TTPA: variants seen among roughly 807,000 people sequenced by gnomAD.
TTPA encodes the protein alpha-tocopherol transfer protein.
In TTPA, 23 loss-of-function variants were observed where a neutral mutation model predicts 25.9. The observed-to-expected ratio is 0.89, with a 90% CI of 0.64 to 1.26. The LOEUF (loss-of-function observed/expected upper bound fraction) is 1.26. Ranked by LOEUF, TTPA falls within the 50% of genes most tolerant of loss-of-function variation. The pLI is 0.00. For synonymous variants in TTPA, 148 were observed against 137.3 expected, an observed-to-expected ratio of 1.08 and a Z score of -0.54; for missense variants, 337 against 353.1, an observed-to-expected ratio of 0.95 and a Z score of 0.37.
intron 1 of TTPA, among the ~76,000 whole-genome samples, chr8:63,082,128 C>G (rs1256571637): frequency 6.6e-6 from 1 of 152,076 alleles, no homozygotes; most frequent in African/African-American, 2.4e-5. Flanking sequence ...CTTCACAGAA[C>G]TGGAAAAAAC....
At chr8:63,075,096 A>T (rs1008395478) in intron 1 of TTPA, among the ~76,000 whole-genome samples, 1 of 152,246 alleles carries the variant, frequency 6.6e-6, no homozygotes, top group African/African-American at 2.4e-5. Flanking sequence ...AGCTGTCATA[A>T]ATAAATTATG....
rs7843136 is a variant in TTPA at position 63,073,298 on chromosome 8, C to T, written c.205-210G>A. 0.067 allele frequency among the ~76,000 whole-genome samples: 10,226 copies of T among 152,136 alleles called. 631 individuals are homozygous for T. The highest frequency in any genetic ancestry group is 0.16 in the African/African-American group (6,696 of 41,474). ...TAATCACAAATTCAGAGCTGAGCAA[C>T]TTTCATTCACCACCCATGGTAGATA... On this transcript the variant is annotated intron_variant, in intron 1 of 4. Transcript: ENST00000260116.
chr8:63,077,203 C>G (rs147907010), intron 1 of TTPA, among the ~76,000 whole-genome samples: 1,941 of 152,166 alleles, frequency 0.013, 45 homozygotes, highest in African/African-American at 0.045. Flanking sequence ...CCAAGATGGC[C>G]GAATAGGAAC....
At chr8:63,076,361 A>G (rs1398700040) in intron 1 of TTPA, among the ~76,000 whole-genome samples, 1 of 148,828 alleles carries the variant, frequency 6.7e-6, no homozygotes, top group Non-Finnish European at 1.5e-5. Context: ...CTTTATACAA[A>G]AACTATAGGG....
intron 1 of TTPA, among the ~76,000 whole-genome samples, chr8:63,082,440 T>C (rs1446821400): frequency 6.6e-6 from 1 of 152,218 alleles, no homozygotes; most frequent in Non-Finnish European, 1.5e-5. Flanking sequence ...GCTAGCCATA[T>C]GTAGAAAGCT....
intron 3 of TTPA, 63 bp from the exon 4 acceptor site, chr8:63,064,379 A>C: frequency 8.7e-7 from 1 of 1,153,830 alleles, no homozygotes; most frequent in Non-Finnish European, 1.3e-6. Context: ...ACCTAATGTC[A>C]AGTTTCTTCT....
At chr8:63,068,469 A>G (rs7818905) in intron 2 of TTPA, among the ~76,000 whole-genome samples, 125,417 of 152,164 alleles carry the variant, frequency 0.82, 52,361 homozygotes, top group East Asian at 0.98. Context: ...ATGTCCATTA[A>G]ATGTGGTAAA....
At chr8:63,081,532 A>G (rs1283844387) in intron 1 of TTPA, among the ~76,000 whole-genome samples, 1 of 152,226 alleles carries the variant, frequency 6.6e-6, no homozygotes, top group South Asian at 2.1e-4. Flanking sequence ...CACAGTCAGT[A>G]TCATACTGAA....
Position 63,086,052 on chromosome 8 carries a change from C to T in TTPA, c.-31G>A. On this transcript the variant is annotated 5_prime_UTR_variant, in exon 1 of 5. Coordinates refer to ENST00000260116, the MANE Select transcript of TTPA (RefSeq NM_000370.3). ...CCGCCGCTGCTGCGGCCGCAGCTACCCGGGCACCCGGGAAAAGCGCGCGCC... is the reference window on the plus strand; with the variant it reads ...CCGCCGCTGCTGCGGCCGCAGCTACTCGGGCACCCGGGAAAAGCGCGCGCC... 1 of 1,385,408 alleles carries T rather than the reference C, an allele frequency of 7.2e-7. No homozygotes were observed. Among genetic ancestry groups the T allele is most frequent in the South Asian group, 1.6e-5 (1 of 63,722 alleles). 85.8% of individuals were successfully genotyped at this position (1,385,408 alleles called of 1,614,324 possible). A position where few individuals can be genotyped will look rare whatever the true frequency, so the allele number is the denominator to read the frequency against.
rs1296153780 is a variant in TTPA at position 63,085,846 on chromosome 8, C to G, written c.176G>C (p.Arg59Pro). 1 of 1,536,640 alleles carries G rather than the reference C, an allele frequency of 6.5e-7. No individual in the cohort carries two copies. ...DSFLLRFLRA[R>P]DFDLDLAWRL... is the part of the protein sequence containing the mutation. ...CCAGGCCAGGTCCAGATCGAAATCC[C>G]GGGCGCGCAGGAACCGCAGCAGGAA... is the stretch of plus-strand genomic sequence containing the variant. Residue 59 changes from arginine (R) to proline (P), a missense_variant, in exon 1 of 5, where the codon CGG becomes CCG. Coordinates refer to ENST00000260116, the MANE Select transcript of TTPA (RefSeq NM_000370.3).
In TTPA at chr8:63,061,405, G is replaced by A; in HGVS notation, c.684C>T (p.Asn228=). The A allele has an allele frequency of 6.2e-7, 1 of 1,613,944 alleles. No individual in the cohort carries two copies. Residue 228 remains asparagine, a synonymous_variant, in exon 5 of 5, where the codon AAC becomes AAT. Transcript: ENST00000260116. ...AATGCTGAAGCAAGCTTTGTTTGTA[G>A]TTGTTCCCATGCATGTGAATCTGAA... ...IKERIHMHGN[N]YKQSLLQHFP... is the part of the protein sequence containing the mutation.
chr8:63,082,437 A>G (rs1805678746), intron 1 of TTPA, among the ~76,000 whole-genome samples: 1 of 152,356 alleles, frequency 6.6e-6, no homozygotes, highest in East Asian at 1.9e-4. Flanking sequence ...CTGGCTAGCC[A>G]TATGTAGAAA....
At chr8:63,079,364 C>T (rs929036950) in intron 1 of TTPA, among the ~76,000 whole-genome samples, 2 of 152,000 alleles carry the variant, frequency 1.3e-5, no homozygotes, top group Non-Finnish European at 2.9e-5. Flanking sequence ...GGCTAAATGT[C>T]CCAATTAAAA....
At chr8:63,082,864 C>T (rs1805685871) in intron 1 of TTPA, among the ~76,000 whole-genome samples, 1 of 152,206 alleles carries the variant, frequency 6.6e-6, no homozygotes, top group South Asian at 2.1e-4. Context: ...GACATTTATG[C>T]AGCCAACGGA....
downstream of TTPA, among the ~76,000 whole-genome samples, chr8:63,059,176 C>G (rs1237083815): frequency 2.0e-5 from 3 of 148,626 alleles, no homozygotes; most frequent in Non-Finnish European, 4.5e-5. Flanking sequence ...GGACTACAGG[C>G]GCCCGCCACT....
At chr8:63,082,554 T>C (rs961759933) in intron 1 of TTPA, among the ~76,000 whole-genome samples, 1 of 152,060 alleles carries the variant, frequency 6.6e-6, no homozygotes, top group Non-Finnish European at 1.5e-5. Flanking sequence ...AGAAAACCTA[T>C]GCAATACCAT....
intron 1 of TTPA, among the ~76,000 whole-genome samples, chr8:63,080,385 G>A (rs1399757917): frequency 6.6e-6 from 1 of 152,164 alleles, no homozygotes; most frequent in Non-Finnish European, 1.5e-5. Context: ...TCTAGAAGCT[G>A]GTTTTTTGAA....
chr8:63,068,742 A>C (rs912294608), intron 2 of TTPA, among the ~76,000 whole-genome samples: 1 of 152,216 alleles, frequency 6.6e-6, no homozygotes, highest in African/African-American at 2.4e-5. Context: ...GATCTAGAAA[A>C]AGAAAGAATA....
At chr8:63,081,400 A>T (rs1393883000) in intron 1 of TTPA, among the ~76,000 whole-genome samples, 1 of 152,242 alleles carries the variant, frequency 6.6e-6, no homozygotes, top group Non-Finnish European at 1.5e-5. Flanking sequence ...CCACATGATT[A>T]TCTCAATAGA....
Sources: allele counts gnomAD v4.1 joint callset (sites outside exome capture counted in the v4.1 genomes callset), GRCh38; gene constraint gnomAD v4.1.1; transcripts MANE v1.5; gene names NCBI Gene and HGNC (gene_info 2026-07-23, HGNC 2026-07-21).